Variants in PDE5A observed in about 807,000 individuals in gnomAD.
PDE5A encodes phosphodiesterase 5A.
In PDE5A, 67 loss-of-function variants were observed where a neutral mutation model predicts 110.2. The ratio of observed to expected loss-of-function variants is 0.61; its 90% confidence interval spans 0.50 to 0.75. The LOEUF is 0.75. Among genes scored for constraint, PDE5A ranks in the 30% least tolerant of loss-of-function variants. PDE5A has a pLI of 0.00. For synonymous variants in PDE5A, 328 were observed against 351.2 expected, an observed-to-expected ratio of 0.93 and a Z score of 0.74; for missense variants, 862 against 1,045.1, an observed-to-expected ratio of 0.82 and a Z score of 2.42.
At chr4:119,608,924 G>A (rs1242135324) in intron 1 of PDE5A, among the ~76,000 whole-genome samples, 1 of 152,132 alleles carries the variant, frequency 6.6e-6, no homozygotes, top group African/African-American at 2.4e-5. Flanking sequence ...CACTTTGGGA[G>A]GCCGAGGCGG....
chr4:119,557,793 A>G (rs1028259661), intron 7 of PDE5A, among the ~76,000 whole-genome samples: 1 of 152,204 alleles, frequency 6.6e-6, no homozygotes, highest in African/African-American at 2.4e-5. Flanking sequence ...TTAAATACTT[A>G]CATTTAAATA....
chr4:119,579,305 G>C (rs1728501835), intron 3 of PDE5A, among the ~76,000 whole-genome samples: 2 of 152,160 alleles, frequency 1.3e-5, no homozygotes, highest in South Asian at 4.1e-4. Context: ...TCTAGAACTA[G>C]AAATACCATT....
chr4:119,622,138 C>T (rs990450181), intron 1 of PDE5A, among the ~76,000 whole-genome samples: 1 of 150,756 alleles, frequency 6.6e-6, no homozygotes, highest in Non-Finnish European at 1.5e-5. Flanking sequence ...CACGCCACTG[C>T]ACTCCAGCCT....
chr4:119,549,602 T>C (rs141142849), intron 9 of PDE5A: 4 of 152,308 alleles, frequency 2.6e-5, no homozygotes, highest in African/African-American at 9.6e-5. Flanking sequence ...GGAATAGGAC[T>C]AGTTTCTGCA....
Position 119,591,631 on chromosome 4 carries a change from T to C in PDE5A, c.831+4892A>G, listed in dbSNP as rs1265336691. 2.0e-5 allele frequency among the ~76,000 whole-genome samples: 3 copies of C among 152,350 alleles called. No homozygotes were observed. The East Asian group carries it at 5.8e-4, about 29-fold the overall frequency. ...TTTAAAGATAATTCTGGAAGTCAAA[T>C]ATTGCACCTTGTTAGTGGCCTGGGT... On this transcript the variant is annotated intron_variant, in intron 3 of 20. Transcript: ENST00000354960.
chr4:119,578,884 C>T (rs4604044), intron 3 of PDE5A, among the ~76,000 whole-genome samples: 114,995 of 151,712 alleles, frequency 0.76, 43,917 homozygotes, highest in East Asian at 0.89. Context: ...AAGAAACTAC[C>T]ATCAGAGTGA....
chr4:119,574,179 C>CCTT lies in PDE5A; in HGVS notation c.832-7036_832-7035insAAG, dbSNP rs71597005. 1.1e-3 allele frequency among the ~76,000 whole-genome samples: 98 copies of CCTT among 89,198 alleles called. 2 individuals are homozygous for CCTT. The East Asian group carries it at 0.031, about 28-fold the overall frequency. The allele number at this position is 89,198 out of a possible 152,430, so 58.5% of individuals were successfully genotyped here. On this transcript the variant is annotated intron_variant, in intron 3 of 20. Coordinates refer to ENST00000354960, the MANE Select transcript of PDE5A (RefSeq NM_001083.4). Reference sequence around the variant, plus strand: ...AATCAGCCCTAGTACAAAATATAGGCTTTTTTTTTTTTTTTTTTTTTGAGA... The same window carrying CCTT: ...AATCAGCCCTAGTACAAAATATAGGCCTTTTTTTTTTTTTTTTTTTTTTTGAGA...
chr4:119,505,971 AC>A, intron 16 of PDE5A, 39 bp from the exon 17 acceptor site: 1 of 1,170,296 alleles, frequency 8.5e-7, no homozygotes, highest in Non-Finnish European at 1.2e-6. Context: ...TATAATGAGT[AC>A]CCAGGGTCTT....
intron 7 of PDE5A, among the ~76,000 whole-genome samples, chr4:119,559,223 A>G (rs892298072): frequency 1.3e-5 from 2 of 152,146 alleles, no homozygotes; most frequent in African/African-American, 4.8e-5. Flanking sequence ...TTTTAAATGC[A>G]TATTTACCAG....
At chr4:119,499,278 CAAAT>C (rs1725204062) in intron 20 of PDE5A, among the ~76,000 whole-genome samples, 1 of 151,968 alleles carries the variant, frequency 6.6e-6, no homozygotes, top group Non-Finnish European at 1.5e-5. Flanking sequence ...CTTAAAATGA[CAAAT>C]ACCCAACAAT....
At position 119,497,766 on chromosome 4, in the gene PDE5A, A is replaced by C. The variant is rs1725129906; in HGVS notation, c.*835T>G. On this transcript the variant is annotated 3_prime_UTR_variant, in exon 21 of 21. Coordinates refer to ENST00000354960, the MANE Select transcript of PDE5A (RefSeq NM_001083.4). Reference sequence around the variant, plus strand: ...GAAAAGGAAGCTCAGAAGGAAAAAAACTCTTAGAGAGATCTTCTAACAGAA... The same window carrying C: ...GAAAAGGAAGCTCAGAAGGAAAAAACCTCTTAGAGAGATCTTCTAACAGAA... 1 of 152,122 alleles carries C rather than the reference A, an allele frequency of 6.6e-6. No individual in the cohort carries two copies. The highest frequency in any genetic ancestry group is 6.5e-5 in the Admixed American group (1 of 15,268). The allele number at this position is 152,122 out of a possible 1,614,324, so 9.4% of individuals were successfully genotyped here.
At chr4:119,504,929 C>A (rs995370134) in intron 17 of PDE5A, among the ~76,000 whole-genome samples, 2 of 151,950 alleles carry the variant, frequency 1.3e-5, no homozygotes, top group African/African-American at 4.8e-5. Flanking sequence ...CCATTCTCAG[C>A]GACAGTATGA....
chr4:119,502,818 C>T (rs1725407170), intron 18 of PDE5A, among the ~76,000 whole-genome samples, 163 bp from the exon 19 acceptor site: 1 of 152,198 alleles, frequency 6.6e-6, no homozygotes. Flanking sequence ...AAAGCGTGCT[C>T]TCTTAACTAT....
In PDE5A at chr4:119,538,961, G is replaced by T; in HGVS notation, c.1631C>A (p.Ala544Glu). The T allele has an allele frequency of 6.2e-7, 1 of 1,609,182 alleles. No homozygotes were observed. Residue 544 changes from alanine to glutamate, a missense_variant and splice_region_variant, in exon 11 of 21, where the codon GCG becomes GAG. Physicochemically the swap from Ala to Glu is moderately radical, Grantham distance 107 (BLOSUM62 -1). Transcript: ENST00000354960. ...TTTAAAAAGAAAGAGGATAATTACC[G>T]CTAACGACTGTAGCTCTCTTGTTTC... The part of the protein sequence containing the change: ...EEETRELQSL[A>E]AAVVPSAQTL...
chr4:119,537,603 C>T (rs1035127648), intron 11 of PDE5A, among the ~76,000 whole-genome samples: 5 of 152,024 alleles, frequency 3.3e-5, no homozygotes, highest in Non-Finnish European at 7.4e-5. Flanking sequence ...CTCAGTCTCT[C>T]TACCTCTCTG....
chr4:119,567,212 T>C, intron 3 of PDE5A, 68 bp from the exon 4 acceptor site: 1 of 1,173,860 alleles, frequency 8.5e-7, no homozygotes, highest in East Asian at 2.3e-5. Context: ...TTCACCAAAA[T>C]GTATTTATAG....
rs201573496 is a variant in PDE5A at position 119,627,185 on chromosome 4, G to A, written c.152+1335C>T. 2.2e-5 allele frequency: 35 copies of A among 1,612,718 alleles called. No homozygotes were observed. Among genetic ancestry groups the A allele is most frequent in the African/African-American group, 6.7e-5 (5 of 74,870 alleles). ...CTCCAAAGGGCAACATAGCAAACGT[G>A]GGAAGTTCGTTTTCGAACTCCGCCG... On this transcript the variant is annotated intron_variant, in intron 1 of 20. Transcript: ENST00000354960. The surrounding 1 kb of genome is among the most constrained non-coding windows in gnomAD (Gnocchi z 4.6).
chr4:119,557,230 A>G (rs559412313), intron 7 of PDE5A, among the ~76,000 whole-genome samples: 8 of 152,220 alleles, frequency 5.3e-5, no homozygotes, highest in Non-Finnish European at 2.9e-5. Context: ...CTTCCTTAGA[A>G]CTGTTCAGCT....
chr4:119,587,898 G>C (rs1178221880), intron 3 of PDE5A, among the ~76,000 whole-genome samples: 1 of 152,196 alleles, frequency 6.6e-6, no homozygotes, highest in East Asian at 1.9e-4. Flanking sequence ...AGTACTGTGA[G>C]TGTGAGAGAT....
Sources: allele counts gnomAD v4.1 joint callset (sites outside exome capture counted in the v4.1 genomes callset), GRCh38; gene constraint gnomAD v4.1.1; non-coding constraint Gnocchi (gnomAD v3.1); transcripts MANE v1.5; gene names NCBI Gene and HGNC (gene_info 2026-07-23, HGNC 2026-07-21).